The following SUCLG2 variants were observed in gnomAD, a reference collection of about 807,000 sequenced individuals.
The protein encoded by SUCLG2 is succinate-CoA ligase GDP-forming subunit beta, also known as succinate--CoA ligase [GDP-forming] subunit beta, mitochondrial.
Under a neutral mutation model 47.9 loss-of-function variants are expected in SUCLG2, and 42 were observed. The observed-to-expected ratio is 0.88, with a 90% CI of 0.69 to 1.14. SUCLG2 has a LOEUF of 1.14. SUCLG2 is among the 50% of genes most tolerant of loss of function. The pLI, the probability that SUCLG2 is intolerant of heterozygous loss-of-function variation, is 0.00. For synonymous variants in SUCLG2, 195 were observed against 197.3 expected (o/e 0.99, Z 0.10); for missense variants, 571 against 525.9 (o/e 1.09, Z -0.84).
intron 2 of SUCLG2, among the ~76,000 whole-genome samples, chr3:67,540,181 C>T (rs935081253): frequency 6.6e-6 from 1 of 151,704 alleles, no homozygotes; most frequent in African/African-American, 2.4e-5. Context: ...CTTGCTTTCT[C>T]CTGTGGGCAT....
At chr3:67,502,311 C>A (rs144283280) in intron 7 of SUCLG2, among the ~76,000 whole-genome samples, 12 of 152,298 alleles carry the variant, frequency 7.9e-5, no homozygotes, top group South Asian at 2.1e-4. Context: ...ACCAAACAAA[C>A]AAAGTGCTTT....
chr3:67,399,870 A>G (rs866963324), intron 10 of SUCLG2, among the ~76,000 whole-genome samples: 1 of 152,216 alleles, frequency 6.6e-6, no homozygotes, highest in Non-Finnish European at 1.5e-5. Context: ...ATTCAGAACT[A>G]TATGAAAAGA....
At chr3:67,609,751 G>C (rs866065402) in intron 1 of SUCLG2, among the ~76,000 whole-genome samples, 155 bp from the exon 2 acceptor site, 1 of 152,200 alleles carries the variant, frequency 6.6e-6, no homozygotes, top group Middle Eastern at 3.4e-3. Context: ...TTAAATTCAT[G>C]CCTAATTATT....
chr3:67,608,606 G>A (rs1037446837), intron 2 of SUCLG2, among the ~76,000 whole-genome samples: 2 of 151,768 alleles, frequency 1.3e-5, no homozygotes, highest in African/African-American at 4.8e-5. Context: ...TGCTCATACT[G>A]TAAGAATTTC....
At chr3:67,604,932 T>C (rs1343227354) in intron 2 of SUCLG2, among the ~76,000 whole-genome samples, 1 of 152,212 alleles carries the variant, frequency 6.6e-6, no homozygotes, top group African/African-American at 2.4e-5. Context: ...TATTTACAAA[T>C]CTTTCTAATT....
At chr3:67,581,964 T>TA (rs376857118) in intron 2 of SUCLG2, among the ~76,000 whole-genome samples, 3 of 152,314 alleles carry the variant, frequency 2.0e-5, no homozygotes, top group African/African-American at 7.2e-5. Flanking sequence ...AATATTAACT[T>TA]ACAATACCCA....
intron 9 of SUCLG2, among the ~76,000 whole-genome samples, chr3:67,460,918 A>G (rs981304822): frequency 2.0e-5 from 3 of 152,138 alleles, no homozygotes; most frequent in Non-Finnish European, 4.4e-5. Flanking sequence ...GGTTTATCTG[A>G]TAAGATATAA....
intron 10 of SUCLG2, among the ~76,000 whole-genome samples, chr3:67,376,810 CTG>C (rs1454181536): frequency 6.6e-6 from 1 of 152,306 alleles, no homozygotes; most frequent in East Asian, 1.9e-4. Context: ...CCGCTTGGCA[CTG>C]TGTCTTCACC....
chr3:67,641,476 C>T (rs537524710), intron 1 of SUCLG2, among the ~76,000 whole-genome samples: 2 of 152,118 alleles, frequency 1.3e-5, no homozygotes, highest in African/African-American at 2.4e-5. Context: ...TTTCAAAAAC[C>T]GCAATTACTT....
intron 9 of SUCLG2, chr3:67,409,072 AGGTTTGTGGACCAATG>A (rs1188586749): frequency 6.6e-7 from 1 of 1,523,494 alleles, no homozygotes; most frequent in South Asian, 1.2e-5. Flanking sequence ...TATCTTGTAT[AGGTTTGTGGACCAATG>A]GGTTTTAGTT....
chr3:67,475,936 G>A, intron 9 of SUCLG2, among the ~76,000 whole-genome samples: 1 of 151,832 alleles, frequency 6.6e-6, no homozygotes, highest in Non-Finnish European at 1.5e-5. Flanking sequence ...GTATGATATA[G>A]AAAGGCCAAT....
chr3:67,529,069 A>T lies in SUCLG2; in HGVS notation c.326+18T>A. On this transcript the variant is annotated intron_variant, in intron 3 of 10. Transcript: ENST00000307227. Reference sequence around the variant, plus strand: ...ACTGCTTGGCCAAAAGACAAGGAATAACAACCTCCAGACTTACTCTTTTGT... The same window carrying T: ...ACTGCTTGGCCAAAAGACAAGGAATTACAACCTCCAGACTTACTCTTTTGT... The T allele has an allele frequency of 1.3e-6, 2 of 1,589,496 alleles. No individual in the cohort carries two copies. Among genetic ancestry groups the T allele is most frequent in the Non-Finnish European group, 1.7e-6 (2 of 1,167,920 alleles).
chr3:67,502,950 A>G (rs1705538248), intron 7 of SUCLG2, among the ~76,000 whole-genome samples: 1 of 152,234 alleles, frequency 6.6e-6, no homozygotes, highest in African/African-American at 2.4e-5. Context: ...ACACCTGTGC[A>G]TAAGGCCAAG....
chr3:67,498,934 T>G (rs574817319), intron 7 of SUCLG2, among the ~76,000 whole-genome samples: 2 of 152,320 alleles, frequency 1.3e-5, no homozygotes, highest in South Asian at 4.1e-4. Context: ...AGCTGGATTT[T>G]TATTCTCAAG....
intron 9 of SUCLG2, among the ~76,000 whole-genome samples, chr3:67,401,302 G>T (rs1702678976): frequency 6.6e-6 from 1 of 151,900 alleles, no homozygotes; most frequent in African/African-American, 2.4e-5. Context: ...GTATTAAAAG[G>T]TAAAAAAGAT....
intron 2 of SUCLG2, among the ~76,000 whole-genome samples, chr3:67,585,357 G>T (rs937179021): frequency 6.6e-6 from 1 of 152,142 alleles, no homozygotes; most frequent in Admixed American, 6.5e-5. Flanking sequence ...AAAACACATG[G>T]TCTTGACCAT....
intron 2 of SUCLG2, among the ~76,000 whole-genome samples, chr3:67,574,422 T>A (rs1559578652): frequency 6.6e-6 from 1 of 152,242 alleles, no homozygotes; most frequent in African/African-American, 2.4e-5. Flanking sequence ...AATAAATTCT[T>A]ACATTTATAG....
At chr3:67,525,467 C>G (rs1482393329) in intron 4 of SUCLG2, among the ~76,000 whole-genome samples, 2 of 151,784 alleles carry the variant, frequency 1.3e-5, no homozygotes, top group African/African-American at 4.9e-5. Context: ...CAAAACAGAC[C>G]CAAAGAAATA....
chr3:67,577,871 T>A (rs1707783956), intron 2 of SUCLG2, among the ~76,000 whole-genome samples: 1 of 152,160 alleles, frequency 6.6e-6, no homozygotes, highest in African/African-American at 2.4e-5. Context: ...TATAGTTCCA[T>A]TTGCCCAAAG....
Sources: allele counts gnomAD v4.1 joint callset (sites outside exome capture counted in the v4.1 genomes callset), GRCh38; gene constraint gnomAD v4.1.1; transcripts MANE v1.5; gene names NCBI Gene and HGNC (gene_info 2026-07-23, HGNC 2026-07-21).